ATP2A2: variants seen among roughly 807,000 people sequenced by gnomAD.
The protein encoded by ATP2A2 is sarcoplasmic/endoplasmic reticulum calcium ATPase 2.
In ATP2A2, 14 loss-of-function variants were observed where a neutral mutation model predicts 109.3. The observed-to-expected ratio is 0.13, with a 90% confidence interval of 0.08 to 0.20. The LOEUF is 0.20. Among genes scored for constraint, ATP2A2 ranks in the 10% least tolerant of loss-of-function variants. The pLI is 1.00. For missense variants in ATP2A2, 657 were observed against 1,321.6 expected (o/e 0.50, Z 7.80); for synonymous variants, 506 against 490.9 (o/e 1.03, Z -0.41).
intron 3 of ATP2A2, among the ~76,000 whole-genome samples, chr12:110,286,525 G>A (rs1332823406): frequency 1.3e-5 from 2 of 152,104 alleles, no homozygotes; most frequent in African/African-American, 4.8e-5. Context: ...ATGCCTGAAA[G>A]CATTGAATGT....
intron 8 of ATP2A2, 63 bp downstream of exon 8, chr12:110,328,080 T>C: frequency 1.3e-6 from 2 of 1,499,060 alleles, no homozygotes; most frequent in Admixed American, 1.7e-5. Context: ...CAATATGCCT[T>C]CATGCCATCA....
Position 110,351,086 on chromosome 12 carries a change from A to G in ATP2A2, c.*4616A>G, listed in dbSNP as rs1880349577. The G allele has an allele frequency of 6.6e-6, 1 of 152,354 alleles. No homozygotes were observed. Among genetic ancestry groups the G allele is most frequent in the African/African-American group, 2.4e-5 (1 of 41,450 alleles). The allele number at this position is 152,354 out of a possible 1,614,324, so 9.4% of individuals were successfully genotyped here. A position where few individuals can be genotyped will look rare whatever the true frequency, so the allele number is the denominator to read the frequency against. On this transcript the variant is annotated 3_prime_UTR_variant, in exon 20 of 20. Coordinates refer to ENST00000539276, the MANE Select transcript of ATP2A2 (RefSeq NM_170665.4). The stretch of plus-strand genomic sequence containing the variant: ...GGTTTCAGGTAAATAAATCTATTCT[A>G]TGATAAATTCTCAGTGTGGTGGTGA...
chr12:110,289,607 C>T lies in ATP2A2; in HGVS notation c.220-2413C>T, dbSNP rs928453056. Among the ~76,000 whole-genome samples, 32 of 151,920 alleles carry T rather than the reference C, an allele frequency of 2.1e-4. 1 individual carries two copies. The highest frequency in any genetic ancestry group is 6.8e-3 in the Middle Eastern group (2 of 294). The stretch of plus-strand genomic sequence containing the variant: ...TCAAACAGATATTTCTTATTCATGC[C>T]GTCTTCTAATGAGTCATTTGGATTC... On this transcript the variant is annotated intron_variant, in intron 3 of 19. Transcript: ENST00000539276.
chr12:110,282,161 C>G (rs144509561), intron 1 of ATP2A2, among the ~76,000 whole-genome samples: 3 of 152,214 alleles, frequency 2.0e-5, no homozygotes, highest in African/African-American at 7.2e-5. Context: ...CCAGCAGCAG[C>G]CGGCCCCGGT....
chr12:110,314,010 C>G (rs1053851210), intron 5 of ATP2A2, among the ~76,000 whole-genome samples: 3 of 151,502 alleles, frequency 2.0e-5, no homozygotes, highest in Non-Finnish European at 2.9e-5. Flanking sequence ...CCACTGTGCC[C>G]GGCCGATAAT....
At position 110,346,600 on chromosome 12, in the gene ATP2A2, T is replaced by C. The variant is rs1478287421; in HGVS notation, c.*130T>C. ...GGTGATGGAGGTTTCATACTCTAGA[T>C]TTTGTTTTGCTTTTTCTGACTCCAG... On this transcript the variant is annotated 3_prime_UTR_variant, in exon 20 of 20. Coordinates refer to ENST00000539276, the MANE Select transcript of ATP2A2 (RefSeq NM_170665.4). The C allele has an allele frequency of 6.6e-7, 1 of 1,513,204 alleles. No homozygotes were observed. The highest frequency in any genetic ancestry group is 1.4e-5 in the African/African-American group (1 of 71,798). 93.7% of individuals were successfully genotyped at this position (1,513,204 alleles called of 1,614,324 possible).
In ATP2A2 at chr12:110,346,978, T is replaced by G. The variant is rs2137877823; in HGVS notation, c.*508T>G. On this transcript the variant is annotated 3_prime_UTR_variant, in exon 20 of 20. Coordinates refer to ENST00000539276, the MANE Select transcript of ATP2A2 (RefSeq NM_170665.4). The stretch of plus-strand genomic sequence containing the variant: ...AGTCTTGCTACCTCAGTCAGTATTG[T>G]TTTGGTTTGCTACTTCCCTCACCCA... 9.1e-7 allele frequency: 1 copy of G among 1,102,552 alleles called. No homozygotes were observed. The highest frequency in any genetic ancestry group is 2.4e-5 in the South Asian group (1 of 41,478). 68.3% of individuals were successfully genotyped at this position (1,102,552 alleles called of 1,614,324 possible).
At chr12:110,345,741 A>G (rs1879784007) in intron 18 of ATP2A2, 12 of 588,188 alleles carry the variant, frequency 2.0e-5, no homozygotes, top group South Asian at 2.0e-4. Flanking sequence ...TAAATAGCCC[A>G]AGTCTCCAGG....
In ATP2A2 at chr12:110,296,614, A is replaced by G; in HGVS notation, c.340A>G (p.Asn114Asp). ...TTTTATACAGGAAAGAAATGCTGAA[A>G]ATGCCATCGAAGCCCTTAAGGAATA... ...VGVWQERNAE[N>D]AIEALKEYEP... The change falls in exon 5 of 20, where the codon AAT (asparagine) becomes GAT (aspartate). Residue 114 changes from asparagine to aspartate, a missense_variant. Physicochemically the swap from Asn to Asp is conservative, Grantham distance 23 (BLOSUM62 1). Around this residue, in one of 9 missense-constraint regions of ATP2A2, gnomAD observed 136 missense variants for 343.9 expected, o/e 0.40. Coordinates refer to ENST00000539276, the MANE Select transcript of ATP2A2 (RefSeq NM_170665.4). The G allele has an allele frequency of 6.2e-7, 1 of 1,614,158 alleles. No individual in the cohort carries two copies. The highest frequency in any genetic ancestry group is 8.5e-7 in the Non-Finnish European group (1 of 1,180,032).
chr12:110,332,586 T>A lies in ATP2A2; in HGVS notation c.1096-11T>A. The A allele has an allele frequency of 6.3e-7, 1 of 1,597,482 alleles. No individual in the cohort carries two copies. Reference sequence around the variant, plus strand: ...CCCTTTTAAATACTCTGATGCGCTCTCCCCCTACAGATGTTCATTCTGGAC... The same window carrying A: ...CCCTTTTAAATACTCTGATGCGCTCACCCCCTACAGATGTTCATTCTGGAC... On this transcript the variant is annotated splice_polypyrimidine_tract_variant and intron_variant, in intron 8 of 19. Transcript: ENST00000539276.
chr12:110,281,780 C>A lies in ATP2A2; in HGVS notation c.-10C>A. 1.3e-6 allele frequency: 2 copies of A among 1,492,486 alleles called. No individual in the cohort carries two copies. Among genetic ancestry groups the A allele is most frequent in the Non-Finnish European group, 1.8e-6 (2 of 1,117,226 alleles). 92.5% of individuals were successfully genotyped at this position (1,492,486 alleles called of 1,614,324 possible). A position where few individuals can be genotyped will look rare whatever the true frequency, so the allele number is the denominator to read the frequency against. Reference sequence around the variant, plus strand: ...GGACGGGAGGCGAGGCCGGCCGGGCCCCCGAAGCCATGGAGAACGCGCACA... The same window carrying A: ...GGACGGGAGGCGAGGCCGGCCGGGCACCCGAAGCCATGGAGAACGCGCACA... On this transcript the variant is annotated 5_prime_UTR_variant, in exon 1 of 20. Transcript: ENST00000539276.
intron 4 of ATP2A2, among the ~76,000 whole-genome samples, chr12:110,293,832 G>A (rs1873632888): frequency 9.1e-6 from 1 of 109,900 alleles, no homozygotes; most frequent in South Asian, 2.9e-4. Context: ...ATATATGTGT[G>A]TGTGTGTGTG....
chr12:110,288,415 T>C lies in ATP2A2; in HGVS notation c.220-3605T>C, dbSNP rs543577296. On this transcript the variant is annotated intron_variant, in intron 3 of 19. Coordinates refer to ENST00000539276, the MANE Select transcript of ATP2A2 (RefSeq NM_170665.4). ...TGAAACAGATAATTCTTTTTTTTTTTTTCCTTGAGATGGAGTTTTGCTCTT... is the reference window on the plus strand; with the variant it reads ...TGAAACAGATAATTCTTTTTTTTTTCTTCCTTGAGATGGAGTTTTGCTCTT... 2.7e-4 allele frequency among the ~76,000 whole-genome samples: 41 copies of C among 152,092 alleles called. No individual in the cohort carries two copies. The East Asian group carries it at 7.3e-3, about 27-fold the overall frequency.
rs1877920709 is a variant in ATP2A2 at position 110,327,450 on chromosome 12, T to C, written c.631-103T>C. The C allele has an allele frequency of 9.6e-7, 1 of 1,041,500 alleles. No individual in the cohort carries two copies. Among genetic ancestry groups the C allele is most frequent in the East Asian group, 2.4e-5 (1 of 42,350 alleles). The allele number at this position is 1,041,500 out of a possible 1,614,324, so 64.5% of individuals were successfully genotyped here. A position where few individuals can be genotyped will look rare whatever the true frequency, so the allele number is the denominator to read the frequency against. On this transcript the variant is annotated intron_variant, in intron 7 of 19. Transcript: ENST00000539276. This position sits in a 1 kb window ranked among gnomAD's most constrained non-coding sequence, Gnocchi z 4.4. ...GAACAGTAGCCAGTGGAAGACCTAG[T>C]AGAATGTGTAGAGAATCTGGGTGCC...
At position 110,340,850 on chromosome 12, in the gene ATP2A2, T is replaced by C. The variant is rs769922769; in HGVS notation, c.1953T>C (p.Ala651=). The C allele has an allele frequency of 1.5e-5, 24 of 1,614,212 alleles. No individual in the cohort carries two copies. The Admixed American group carries it at 3.2e-4, about 21-fold the overall frequency. Residue 651 remains alanine, a synonymous_variant, in exon 14 of 20, where the codon GCT becomes GCC. Transcript: ENST00000539276. The surrounding 1 kb of genome is among the most constrained non-coding windows in gnomAD (Gnocchi z 6.0). ...AGGATGAGGACGTGACGTCAAAAGCTTTCACAGGCCGGGAGTTTGATGAAC... is the reference window on the plus strand; with the variant it reads ...AGGATGAGGACGTGACGTCAAAAGCCTTCACAGGCCGGGAGTTTGATGAAC... The part of the protein sequence containing the change: ...FGQDEDVTSK[A]FTGREFDELN...
intron 6 of ATP2A2, among the ~76,000 whole-genome samples, chr12:110,324,261 A>G (rs1237739794): frequency 1.3e-5 from 2 of 151,782 alleles, no homozygotes; most frequent in Non-Finnish European, 2.9e-5. Context: ...ACCTGGCTCT[A>G]TTTTTTTTGG....
At position 110,301,260 on chromosome 12, in the gene ATP2A2, A is replaced by G. The variant is rs142328169; in HGVS notation, c.463+4523A>G. On this transcript the variant is annotated intron_variant, in intron 5 of 19. Transcript: ENST00000539276. ...CCTTAGTTTGCATCAGTAGATGGCA[A>G]TGGTAGACAGCTTCAGAGGAAACTA... 7.2e-5 allele frequency among the ~76,000 whole-genome samples: 11 copies of G among 152,312 alleles called. No homozygotes were observed. The East Asian group carries it at 1.7e-3, about 24-fold the overall frequency.
At chr12:110,323,093 C>A (rs375290230) in intron 6 of ATP2A2, 21 bp downstream of exon 6, 2 of 1,570,850 alleles carry the variant, frequency 1.3e-6, no homozygotes, top group South Asian at 1.1e-5. Context: ...TATATTAAGT[C>A]ATTGAATTTC....
rs747338502 is a variant in ATP2A2, at chr12:110,340,925, T to C, written c.2028T>C (p.Ala676=). The C allele has an allele frequency of 1.2e-6, 2 of 1,614,220 alleles. No individual in the cohort carries two copies. The change falls in exon 14 of 20, where the codon GCT becomes GCC. Residue 676 remains alanine (A), a synonymous_variant. Transcript: ENST00000539276. This position sits in a 1 kb window ranked among gnomAD's most constrained non-coding sequence, Gnocchi z 6.0. ...CCTGCCTGAACGCCCGCTGTTTTGC[T>C]CGAGTTGAACCCTCCCACAAGTCTA... ...RDACLNARCF[A]RVEPSHKSKI...
Sources: gnomAD v4.1 joint callset for allele counts (sites outside exome capture counted in the v4.1 genomes callset) on GRCh38, gnomAD v4.1.1 for gene constraint, gnomAD v4.1.1 regional missense constraint, Gnocchi (gnomAD v3.1) non-coding constraint, MANE v1.5 for transcripts, NCBI Gene and HGNC (gene_info 2026-07-23, HGNC 2026-07-21) for gene names.